SZRD1: variants seen among roughly 807,000 people sequenced by gnomAD.
SZRD1 encodes the protein SUZ RNA-binding domain-containing.
A neutral mutation model predicts 17.6 loss-of-function variants in SZRD1; 7 were observed. The ratio of observed to expected loss-of-function variants is 0.40; its 90% confidence interval spans 0.23 to 0.75. SZRD1 has a LOEUF of 0.75. SZRD1 is among the 30% of genes least tolerant of loss of function. The pLI is 0.38. For synonymous variants in SZRD1, 77 were observed against 77.9 expected, an observed-to-expected ratio of 0.99 and a Z score of 0.06; for missense variants, 178 against 201.8, an observed-to-expected ratio of 0.88 and a Z score of 0.71.
At position 16,397,880 on chromosome 1, in the gene SZRD1, A is replaced by T. The variant is rs948626911; in HGVS notation, c.*2740A>T. 1 of 408,232 alleles carries T rather than the reference A, an allele frequency of 2.4e-6. No individual in the cohort carries two copies. Among genetic ancestry groups the T allele is most frequent in the South Asian group, 1.0e-4 (1 of 9,660 alleles). The allele number at this position is 408,232 out of a possible 1,614,324, so 25.3% of individuals were successfully genotyped here. Reference sequence around the variant, plus strand: ...GTGCCCTGCTCAGGGATGGGCTGGCAGGGCTGTACCCAGCCTCCCTGGTAA... The same window carrying T: ...GTGCCCTGCTCAGGGATGGGCTGGCTGGGCTGTACCCAGCCTCCCTGGTAA... On this transcript the variant is annotated 3_prime_UTR_variant, in exon 4 of 4. Coordinates refer to ENST00000401088, the MANE Select transcript of SZRD1 (RefSeq NM_001114600.3). The surrounding 1 kb of genome is among the most constrained non-coding windows in gnomAD (Gnocchi z 5.4).
At chr1:16,380,666 C>T (rs2083085611) in intron 1 of SZRD1, among the ~76,000 whole-genome samples, 1 of 152,150 alleles carries the variant, frequency 6.6e-6, no homozygotes, top group Non-Finnish European at 1.5e-5. Context: ...CGGGGTTTCT[C>T]CATGTTGGTC....
intron 1 of SZRD1, among the ~76,000 whole-genome samples, chr1:16,380,723 C>T (rs1270067973): frequency 6.6e-6 from 1 of 152,134 alleles, no homozygotes; most frequent in Non-Finnish European, 1.5e-5. Context: ...CTGCCTCGGG[C>T]TCCCAAAGTG....
chr1:16,376,391 G>A (rs2083003107), intron 1 of SZRD1, among the ~76,000 whole-genome samples: 2 of 152,176 alleles, frequency 1.3e-5, no homozygotes, highest in African/African-American at 4.8e-5. Context: ...AGAGCCAAGC[G>A]ATAATCCTGC....
intron 1 of SZRD1, among the ~76,000 whole-genome samples, chr1:16,383,027 G>A (rs928403179): frequency 2.6e-5 from 4 of 151,668 alleles, no homozygotes; most frequent in Non-Finnish European, 4.4e-5. Flanking sequence ...CACCACGTCC[G>A]GCTAATTTTT....
intron 1 of SZRD1, among the ~76,000 whole-genome samples, chr1:16,382,401 T>A (rs1034779757): frequency 6.6e-6 from 1 of 151,992 alleles, no homozygotes; most frequent in Non-Finnish European, 1.5e-5. Context: ...TTGGCCAGGC[T>A]GGTCTGGAAC....
In SZRD1 at chr1:16,391,988, C is replaced by G. The variant is rs993535617; in HGVS notation, c.101+564C>G. Among the ~76,000 whole-genome samples, 2 of 151,984 alleles carry G rather than the reference C, an allele frequency of 1.3e-5. No homozygotes were observed. The highest frequency in any genetic ancestry group is 4.8e-5 in the African/African-American group (2 of 41,380). ...GCTTTCTGCTTTTGGGCTTAGGGAA[C>G]CTGTTGGTTTTCCATAGGTACAAGG... On this transcript the variant is annotated intron_variant, in intron 2 of 3. Transcript: ENST00000401088. The surrounding 1 kb of genome is among the most constrained non-coding windows in gnomAD (Gnocchi z 4.3).
intron 1 of SZRD1, chr1:16,387,677 G>T (rs560814455): frequency 1.2e-4 from 54 of 456,582 alleles, no homozygotes; most frequent in Non-Finnish European, 2.4e-4. Context: ...TTCTACAGCT[G>T]TCAAGGCTCT....
intron 1 of SZRD1, among the ~76,000 whole-genome samples, chr1:16,377,729 T>A (rs1251753935): frequency 6.6e-6 from 1 of 152,170 alleles, no homozygotes; most frequent in Non-Finnish European, 1.5e-5. Flanking sequence ...TCTTAATTTG[T>A]AAAACTGAAT....
At chr1:16,372,970 A>T (rs570071212) in intron 1 of SZRD1, among the ~76,000 whole-genome samples, 1 of 152,218 alleles carries the variant, frequency 6.6e-6, no homozygotes, top group Non-Finnish European at 1.5e-5. Context: ...TTGAAAGATC[A>T]GTTGAATTAA....
At position 16,397,601 on chromosome 1, in the gene SZRD1, G is replaced by C. The variant is rs1191028935; in HGVS notation, c.*2461G>C. ...TGTCCCCTTCCCCCAGCTCCTCCCTGACCCCATGGGCCAGGCCTCAGACCT... is the reference window on the plus strand; with the variant it reads ...TGTCCCCTTCCCCCAGCTCCTCCCTCACCCCATGGGCCAGGCCTCAGACCT... On this transcript the variant is annotated 3_prime_UTR_variant, in exon 4 of 4. Transcript: ENST00000401088. This position sits in a 1 kb window ranked among gnomAD's most constrained non-coding sequence, Gnocchi z 5.4. 6.6e-6 allele frequency: 1 copy of C among 152,304 alleles called. No individual in the cohort carries two copies. The highest frequency in any genetic ancestry group is 6.5e-5 in the Admixed American group (1 of 15,276). The allele number at this position is 152,304 out of a possible 1,614,324, so 9.4% of individuals were successfully genotyped here. A position where few individuals can be genotyped will look rare whatever the true frequency, so the allele number is the denominator to read the frequency against.
intron 1 of SZRD1, among the ~76,000 whole-genome samples, chr1:16,368,461 C>T (rs1277006218): frequency 1.3e-5 from 2 of 150,096 alleles, no homozygotes; most frequent in Non-Finnish European, 3.0e-5. Flanking sequence ...GTTTTTTCCG[C>T]TGGTTCAGCA....
At chr1:16,387,229 C>T (rs2085140704) in intron 1 of SZRD1, 3 of 448,704 alleles carry the variant, frequency 6.7e-6, no homozygotes, top group Non-Finnish European at 1.3e-5. Flanking sequence ...CCTACGATGT[C>T]CTCTTGAAGC....
rs533946001 is a variant in SZRD1, at chr1:16,383,761, A to T, written c.52-7614A>T. On this transcript the variant is annotated intron_variant, in intron 1 of 3. Coordinates refer to ENST00000401088, the MANE Select transcript of SZRD1 (RefSeq NM_001114600.3). ...CAGCCTCCTGAGTAGCTGGGATTAC[A>T]GGCATGCGCCACCACGCCTGGCTAA... 4.0e-5 allele frequency among the ~76,000 whole-genome samples: 6 copies of T among 151,748 alleles called. No homozygotes were observed. The South Asian group carries it at 1.2e-3, about 32-fold the overall frequency.
rs907000040 is a variant in SZRD1 at position 16,369,887 on chromosome 1, C to A, written c.51+2579C>A. Among the ~76,000 whole-genome samples the A allele has an allele frequency of 2.0e-3, 246 of 124,708 alleles. 1 individual carries two copies. Among genetic ancestry groups the A allele is most frequent in the African/African-American group, 6.0e-3 (200 of 33,234 alleles). The allele number at this position is 124,708 out of a possible 152,430, so 81.8% of individuals were successfully genotyped here. A position where few individuals can be genotyped will look rare whatever the true frequency, so the allele number is the denominator to read the frequency against. ...CTGGGCAACAAGAGTGAAACTCCATCAAAAAAAAAAACAAAAAAAAAAAAC... is the reference window on the plus strand; with the variant it reads ...CTGGGCAACAAGAGTGAAACTCCATAAAAAAAAAAAACAAAAAAAAAAAAC... On this transcript the variant is annotated intron_variant, in intron 1 of 3. Transcript: ENST00000401088.
chr1:16,380,720 G>A (rs368104487), intron 1 of SZRD1, among the ~76,000 whole-genome samples: 4 of 152,028 alleles, frequency 2.6e-5, no homozygotes, highest in African/African-American at 7.3e-5. Flanking sequence ...TGCCTGCCTC[G>A]GGCTCCCAAA....
intron 1 of SZRD1, among the ~76,000 whole-genome samples, chr1:16,373,239 T>A (rs2082942777): frequency 6.6e-6 from 1 of 151,910 alleles, no homozygotes; most frequent in African/African-American, 2.4e-5. Flanking sequence ...AAGTTTTTTT[T>A]TTTTTTTTAA....
At chr1:16,383,844 T>G (rs2083146495) in intron 1 of SZRD1, among the ~76,000 whole-genome samples, 1 of 152,148 alleles carries the variant, frequency 6.6e-6, no homozygotes, top group Admixed American at 6.6e-5. Context: ...GGTCTGGAAC[T>G]CCTGACCTCG....
In SZRD1 at chr1:16,393,402, G is replaced by A; in HGVS notation, c.276G>A (p.Glu92=). The change falls in exon 3 of 4, where the codon GAG becomes GAA. Residue 92 remains glutamate, a synonymous_variant. Transcript: ENST00000401088. This position sits in a 1 kb window ranked among gnomAD's most constrained non-coding sequence, Gnocchi z 5.6. ...TLPVKSLAQR[E]AEYAEARKRI... Reference sequence around the variant, plus strand: ...CAGTCAAGTCCCTAGCACAGCGAGAGGCCGAGTACGCCGAGGCCCGGAAGC... The same window carrying A: ...CAGTCAAGTCCCTAGCACAGCGAGAAGCCGAGTACGCCGAGGCCCGGAAGC... 1.2e-6 allele frequency: 2 copies of A among 1,614,198 alleles called. No individual in the cohort carries two copies. Among genetic ancestry groups the A allele is most frequent in the East Asian group, 2.2e-5 (1 of 44,880 alleles).
chr1:16,372,989 A>G (rs2082939108), intron 1 of SZRD1, among the ~76,000 whole-genome samples: 1 of 152,172 alleles, frequency 6.6e-6, no homozygotes, highest in Admixed American at 6.6e-5. Flanking sequence ...AAGCAGTGGT[A>G]AGTCTGGGAG....
Sources: allele counts gnomAD v4.1 joint callset (sites outside exome capture counted in the v4.1 genomes callset), GRCh38; gene constraint gnomAD v4.1.1; non-coding constraint Gnocchi (gnomAD v3.1); transcripts MANE v1.5; gene names NCBI Gene and HGNC (gene_info 2026-07-23, HGNC 2026-07-21).